Variants in KALRN observed in about 807,000 individuals in gnomAD.
The protein encoded by KALRN is kalirin RhoGEF kinase.
In KALRN, 70 loss-of-function variants were observed where a neutral mutation model predicts 353.7. The observed-to-expected ratio is 0.20, with a 90% CI of 0.16 to 0.24. KALRN has a LOEUF of 0.24. Ranked by LOEUF, KALRN falls within the 10% of genes least tolerant of loss-of-function variation. KALRN has a pLI of 1.00. For synonymous variants in KALRN, 1,391 were observed against 1,434.8 expected (o/e 0.97, Z 0.69); for missense variants, 2,791 against 3,756.7 (o/e 0.74, Z 6.72).
intron 1 of KALRN, among the ~76,000 whole-genome samples, chr3:124,151,696 T>C (rs570837547): frequency 9.2e-5 from 14 of 152,364 alleles, no homozygotes; most frequent in African/African-American, 3.4e-4. Flanking sequence ...ACATATGTTA[T>C]TAACTTTATT....
At chr3:124,335,980 T>C (rs911044623) in intron 9 of KALRN, among the ~76,000 whole-genome samples, 1 of 152,174 alleles carries the variant, frequency 6.6e-6, no homozygotes, top group Non-Finnish European at 1.5e-5. Context: ...TAGAGGGGCC[T>C]CTGATGCTGG....
At chr3:124,537,942 G>A (rs1256362715) in intron 33 of KALRN, among the ~76,000 whole-genome samples, 2 of 152,224 alleles carry the variant, frequency 1.3e-5, no homozygotes, top group African/African-American at 2.4e-5. Flanking sequence ...TGTAAAGAAT[G>A]TAAAGGGTTT....
intron 5 of KALRN, among the ~76,000 whole-genome samples, chr3:124,277,745 T>C (rs541864386): frequency 6.6e-6 from 1 of 152,228 alleles, no homozygotes; most frequent in Non-Finnish European, 1.5e-5. Flanking sequence ...GCATGAGGCT[T>C]GGCTCCCTTC....
Position 124,563,008 on chromosome 3 carries a change from G to A in KALRN, c.5101G>A (p.Gly1701Ser). 1 of 1,367,904 alleles carries A rather than the reference G, an allele frequency of 7.3e-7. No individual in the cohort carries two copies. The highest frequency in any genetic ancestry group is 9.8e-7 in the Non-Finnish European group (1 of 1,022,000). 84.7% of individuals were successfully genotyped at this position (1,367,904 alleles called of 1,614,324 possible). ...CACCGAACGGAGCCCGCCCTTGGAG[G>A]GTCTGGTCCCCAGCAGCGCCCTGTG... ...RTTERSPPLE[G>S]LVPSSALCIS... Residue 1701 changes from glycine to serine, a missense_variant, in exon 34 of 60, where the codon GGT (glycine) becomes AGT (serine). Physicochemically the swap from Gly to Ser is moderately conservative, Grantham distance 56. This residue lies in a region of KALRN where 239 missense variants were observed against 351.3 expected (regional missense o/e 0.68). Coordinates refer to ENST00000682506, the MANE Select transcript of KALRN (RefSeq NM_001388419.1).
chr3:124,520,277 G>A (rs941895863), intron 33 of KALRN, among the ~76,000 whole-genome samples: 19 of 152,026 alleles, frequency 1.2e-4, no homozygotes, highest in Admixed American at 5.2e-4. Flanking sequence ...TCCTCAGCAC[G>A]TTCAAGTGAT....
Position 124,400,764 on chromosome 3 carries a change from A to G in KALRN, c.2346+1893A>G, listed in dbSNP as rs899034698. Among the ~76,000 whole-genome samples, 7 of 152,222 alleles carry G rather than the reference A, an allele frequency of 4.6e-5. No individual in the cohort carries two copies. The South Asian group carries it at 8.3e-4, about 18-fold the overall frequency. The stretch of plus-strand genomic sequence containing the variant: ...TTAAAGTAGCCCAAGGCATTCCTGC[A>G]ATCATTCCTCAGCTCCATTTTGCCC... On this transcript the variant is annotated intron_variant, in intron 13 of 59. Coordinates refer to ENST00000682506, the MANE Select transcript of KALRN (RefSeq NM_001388419.1).
chr3:124,723,906 C>G lies in KALRN; in HGVS notation c.*4436C>G, dbSNP rs2063387921. ...GAGGGCAGAAGTGAGAAGAAAATATCTTCTCATACCACAATTTATTTTTCA... is the reference window on the plus strand; with the variant it reads ...GAGGGCAGAAGTGAGAAGAAAATATGTTCTCATACCACAATTTATTTTTCA... On this transcript the variant is annotated 3_prime_UTR_variant, in exon 60 of 60. Coordinates refer to ENST00000682506, the MANE Select transcript of KALRN (RefSeq NM_001388419.1). The G allele has an allele frequency of 6.6e-6, 1 of 152,180 alleles. No homozygotes were observed. The highest frequency in any genetic ancestry group is 2.1e-4 in the South Asian group (1 of 4,830). 9.4% of individuals were successfully genotyped at this position (152,180 alleles called of 1,614,324 possible). A position where few individuals can be genotyped will look rare whatever the true frequency, so the allele number is the denominator to read the frequency against.
intron 1 of KALRN, among the ~76,000 whole-genome samples, chr3:124,143,106 G>A (rs2066839547): frequency 6.6e-6 from 1 of 151,892 alleles, no homozygotes; most frequent in South Asian, 2.1e-4. Flanking sequence ...TCATTTTATT[G>A]GAATTCTTGC....
intron 33 of KALRN, chr3:124,519,018 G>A: frequency 1.0e-6 from 1 of 986,388 alleles, no homozygotes. Context: ...GTTAACTTTA[G>A]CCTTTCCCAA....
intron 1 of KALRN, among the ~76,000 whole-genome samples, chr3:124,149,925 C>G (rs1401842291): frequency 6.6e-6 from 1 of 152,180 alleles, no homozygotes; most frequent in African/African-American, 2.4e-5. Context: ...GTGGCCTCCT[C>G]TTTTCCCTGA....
At chr3:124,376,157 T>C (rs1488129117) in intron 10 of KALRN, among the ~76,000 whole-genome samples, 1 of 152,182 alleles carries the variant, frequency 6.6e-6, no homozygotes, top group African/African-American at 2.4e-5. Flanking sequence ...TCAGAGATAG[T>C]CTCAGTACCG....
intron 6 of KALRN, among the ~76,000 whole-genome samples, chr3:124,311,123 G>C (rs1185400124): frequency 8.3e-6 from 1 of 120,414 alleles, no homozygotes; most frequent in Non-Finnish European, 1.6e-5. Context: ...CACCCAGGCT[G>C]GATACTACTT....
chr3:124,060,919 C>T (rs2041947557), intron 1 of KALRN, among the ~76,000 whole-genome samples: 1 of 152,212 alleles, frequency 6.6e-6, no homozygotes, highest in African/African-American at 2.4e-5. Flanking sequence ...TAGCTAAGAG[C>T]CTGTCCTGGG....
chr3:124,162,815 T>C (rs1325861834), intron 1 of KALRN: 1 of 152,234 alleles, frequency 6.6e-6, no homozygotes, highest in Non-Finnish European at 1.5e-5. Context: ...GATATATGCA[T>C]ATCTAAAGGA....
intron 34 of KALRN, among the ~76,000 whole-genome samples, chr3:124,621,662 C>T (rs1247271328): frequency 3.3e-5 from 5 of 152,200 alleles, no homozygotes; most frequent in Non-Finnish European, 7.3e-5. Flanking sequence ...TTGCTGTCAC[C>T]ATAGCAGCTA....
intron 1 of KALRN, among the ~76,000 whole-genome samples, chr3:124,174,801 G>A (rs1254000216): frequency 6.6e-6 from 1 of 152,240 alleles, no homozygotes; most frequent in Admixed American, 6.5e-5. Flanking sequence ...GGAAAGCTGT[G>A]TCTGTCAGAG....
chr3:124,562,166 G>C (rs1258191648), intron 33 of KALRN, among the ~76,000 whole-genome samples: 1 of 152,150 alleles, frequency 6.6e-6, no homozygotes, highest in Non-Finnish European at 1.5e-5. Flanking sequence ...GAGCCTTTGA[G>C]GCTATTCCCC....
At chr3:124,674,227 A>G (rs333356) in intron 48 of KALRN, 137 bp from the exon 49 acceptor site, 385,289 of 739,188 alleles carry the variant, frequency 0.52, 101,139 homozygotes, top group African/African-American at 0.55. Flanking sequence ...TCATGTCATT[A>G]CTCAAGAGAG....
At chr3:124,639,287 A>G (rs2081739709) in intron 37 of KALRN, among the ~76,000 whole-genome samples, 1 of 152,100 alleles carries the variant, frequency 6.6e-6, no homozygotes. Flanking sequence ...CCAAATTTCC[A>G]TTATAATCCC....
Sources: allele counts gnomAD v4.1 joint callset (sites outside exome capture counted in the v4.1 genomes callset), GRCh38; gene constraint gnomAD v4.1.1; regional missense constraint gnomAD v4.1.1; transcripts MANE v1.5; gene names NCBI Gene and HGNC (gene_info 2026-07-23, HGNC 2026-07-21).